The following TXLNB variants were observed in gnomAD, a reference collection of about 807,000 sequenced individuals.
TXLNB encodes beta-taxilin.
Under a neutral mutation model 57.4 loss-of-function variants are expected in TXLNB, and 37 were observed. The observed-to-expected ratio is 0.64, with a 90% CI of 0.50 to 0.85. TXLNB has a LOEUF of 0.85. Among genes scored for constraint, TXLNB ranks in the 40% least tolerant of loss-of-function variants. TXLNB has a pLI of 0.00. For synonymous variants in TXLNB, 302 were observed against 309.6 expected (o/e 0.98, Z 0.26); for missense variants, 848 against 825.6 (o/e 1.03, Z -0.33).
At chr6:139,299,039 A>G in the TXLNB span, among the ~76,000 whole-genome samples, 1 of 152,206 alleles carries the variant, frequency 6.6e-6, no homozygotes, top group Admixed American at 6.5e-5. Flanking sequence ...CGTCTTATGC[A>G]GCCTGCAATA....
At chr6:139,314,458 G>A in the TXLNB span, among the ~76,000 whole-genome samples, 1 of 152,170 alleles carries the variant, frequency 6.6e-6, no homozygotes, top group Admixed American at 6.5e-5. Flanking sequence ...ATAAGCTCCT[G>A]CTTCAAGTTA....
intron 2 of TXLNB, chr6:139,286,816 G>T: frequency 5.6e-6 from 1 of 179,686 alleles, no homozygotes; most frequent in Non-Finnish European, 1.1e-5. Flanking sequence ...AATGCCTGAT[G>T]ATCTGTCACT....
At chr6:139,299,684 TC>T in the TXLNB span, among the ~76,000 whole-genome samples, 1 of 152,000 alleles carries the variant, frequency 6.6e-6, no homozygotes, top group African/African-American at 2.4e-5. Context: ...GGGTCACTGT[TC>T]AAACAAAATA....
chr6:139,297,902 G>C, the TXLNB span, among the ~76,000 whole-genome samples: 1 of 152,132 alleles, frequency 6.6e-6, no homozygotes, highest in Non-Finnish European at 1.5e-5. Context: ...CTGGCTTGGG[G>C]TGGTGGGGGC....
At chr6:139,166,265 C>G in the TXLNB span, 7 of 1,566,728 alleles carry the variant, frequency 4.5e-6, no homozygotes, top group Admixed American at 1.3e-4. Context: ...AATCTGTTCT[C>G]TCTTTATTCC....
intron 2 of TXLNB, among the ~76,000 whole-genome samples, chr6:139,278,674 C>T (rs946938810): frequency 6.6e-6 from 1 of 152,162 alleles, no homozygotes; most frequent in African/African-American, 2.4e-5. Context: ...AGTGTTTGGC[C>T]CATGGCAAGT....
chr6:139,230,251 A>G, the TXLNB span, among the ~76,000 whole-genome samples: 44 of 152,330 alleles, frequency 2.9e-4, no homozygotes, highest in African/African-American at 1.1e-3. Flanking sequence ...GGGGAGATGA[A>G]TTGTATCACA....
the TXLNB span, among the ~76,000 whole-genome samples, chr6:139,175,762 T>C: frequency 2.0e-5 from 3 of 152,188 alleles, no homozygotes; most frequent in Admixed American, 6.5e-5. Flanking sequence ...TGGTACACCA[T>C]TGAAAGGCAA....
chr6:139,316,981 T>A, the TXLNB span, among the ~76,000 whole-genome samples: 293 of 152,330 alleles, frequency 1.9e-3, no homozygotes, highest in African/African-American at 6.9e-3. Context: ...AAAAGTGGGT[T>A]GGATATTCTG....
At chr6:139,189,967 G>C in the TXLNB span, among the ~76,000 whole-genome samples, 1 of 152,172 alleles carries the variant, frequency 6.6e-6, no homozygotes, top group South Asian at 2.1e-4. Flanking sequence ...CCCATTAGCT[G>C]TCTGTCAAAC....
the TXLNB span, among the ~76,000 whole-genome samples, chr6:139,299,680 C>G: frequency 6.6e-6 from 1 of 152,096 alleles, no homozygotes; most frequent in African/African-American, 2.4e-5. Flanking sequence ...CCAGGGGTCA[C>G]TGTTCAAACA....
At chr6:139,272,860 C>G (rs539018684) in intron 3 of TXLNB, among the ~76,000 whole-genome samples, 1 of 152,168 alleles carries the variant, frequency 6.6e-6, no homozygotes, top group South Asian at 2.1e-4. Context: ...ATGGTGAAAC[C>G]TCATCTCTAC....
chr6:139,161,768 T>G, the TXLNB span, among the ~76,000 whole-genome samples: 1 of 152,270 alleles, frequency 6.6e-6, no homozygotes, highest in Non-Finnish European at 1.5e-5. Context: ...CTTGGGTTAG[T>G]AAAATTTGGT....
At chr6:139,252,517 G>T (rs912369358) in intron 7 of TXLNB, among the ~76,000 whole-genome samples, 1 of 152,184 alleles carries the variant, frequency 6.6e-6, no homozygotes, top group Non-Finnish European at 1.5e-5. Context: ...ACAAAGGAGG[G>T]TTCTTGCAAT....
the TXLNB span, among the ~76,000 whole-genome samples, chr6:139,164,763 A>C: frequency 2.0e-5 from 3 of 152,188 alleles, no homozygotes; most frequent in Non-Finnish European, 4.4e-5. Flanking sequence ...TTGTCATCCC[A>C]GCCTGTAAGC....
the TXLNB span, among the ~76,000 whole-genome samples, chr6:139,175,879 C>G: frequency 6.6e-6 from 1 of 152,144 alleles, no homozygotes; most frequent in Non-Finnish European, 1.5e-5. Context: ...ACAATTGAAG[C>G]CCAGACCTTT....
At chr6:139,199,963 T>A in the TXLNB span, 2 of 152,202 alleles carry the variant, frequency 1.3e-5, no homozygotes, top group Admixed American at 6.5e-5. Context: ...AGCAAAATCA[T>A]ACCGGGGCCC....
the TXLNB span, among the ~76,000 whole-genome samples, chr6:139,320,467 C>T: frequency 1.3e-5 from 2 of 152,148 alleles, no homozygotes; most frequent in Non-Finnish European, 2.9e-5. Flanking sequence ...ACTCAAGTTT[C>T]CTTCACTAAA....
chr6:139,237,814 A>G (rs1287920979), downstream of TXLNB, among the ~76,000 whole-genome samples: 1 of 152,190 alleles, frequency 6.6e-6, no homozygotes, highest in African/African-American at 2.4e-5. Flanking sequence ...AAAGTGGAAT[A>G]GATGTTGGTA....
Sources: allele counts gnomAD v4.1 joint callset (sites outside exome capture counted in the v4.1 genomes callset), GRCh38; gene constraint gnomAD v4.1.1; transcripts MANE v1.5; gene names NCBI Gene and HGNC (gene_info 2026-07-23, HGNC 2026-07-21).